PIKFYVE: variants seen among roughly 807,000 people sequenced by gnomAD.
The protein encoded by PIKFYVE is 1-phosphatidylinositol 3-phosphate 5-kinase.
In PIKFYVE, 122 loss-of-function variants were observed where a neutral mutation model predicts 257.9. The observed-to-expected ratio is 0.47, with a 90% CI of 0.41 to 0.55. The LOEUF is 0.55. Among genes scored for constraint, PIKFYVE ranks in the 20% least tolerant of loss-of-function variants. The pLI is 0.00. For synonymous variants in PIKFYVE, 892 were observed against 868.9 expected (o/e 1.03, Z -0.47); for missense variants, 2,160 against 2,536.6 (o/e 0.85, Z 3.19).
intron 16 of PIKFYVE, 142 bp downstream of exon 16, chr2:208,318,083 T>C (rs577843687): frequency 3.6e-4 from 308 of 852,190 alleles, no homozygotes; most frequent in Non-Finnish European, 5.7e-4. Flanking sequence ...GAAATTTGGT[T>C]GGTTCAGGGA....
At chr2:208,280,819 T>C (rs1474910424) in intron 5 of PIKFYVE, among the ~76,000 whole-genome samples, 1 of 152,240 alleles carries the variant, frequency 6.6e-6, no homozygotes, top group Admixed American at 6.5e-5. Context: ...GCCCATCTAC[T>C]TCACTTGTGG....
intron 3 of PIKFYVE, among the ~76,000 whole-genome samples, chr2:208,275,050 A>G (rs1689931505): frequency 6.6e-6 from 1 of 152,152 alleles, no homozygotes; most frequent in Non-Finnish European, 1.5e-5. Flanking sequence ...CTGCTTGATT[A>G]TTTGATTCTA....
At chr2:208,345,997 T>C in intron 33 of PIKFYVE, 53 bp from the exon 34 acceptor site, 1 of 1,326,464 alleles carries the variant, frequency 7.5e-7, no homozygotes, top group Admixed American at 1.7e-5. Context: ...CTTACTATTT[T>C]CTGTTTGACT....
At chr2:208,300,090 A>G (rs1693495675) in intron 8 of PIKFYVE, among the ~76,000 whole-genome samples, 1 of 152,218 alleles carries the variant, frequency 6.6e-6, no homozygotes. Context: ...GAAGATCCTT[A>G]ATAGTGGAAG....
At chr2:208,330,787 G>A (rs1697454218) in intron 23 of PIKFYVE, 93 bp downstream of exon 23, 1 of 1,268,788 alleles carries the variant, frequency 7.9e-7, no homozygotes. Flanking sequence ...ATATGGTACT[G>A]GATTCGTTAT....
rs1698553831 is a variant in PIKFYVE at position 208,340,031 on chromosome 2, C to T, written c.4831C>T (p.Leu1611=). ...TTTAGATGTGTTTGATGGGCATTTG[C>T]TGGGATCCACAGACAGCCAAGTGAA... ...SSEDVFDGHL[L]GSTDSQVKEK... The change falls in exon 31 of 42, where the codon CTG becomes TTG. Residue 1611 remains leucine, a synonymous_variant. Coordinates refer to ENST00000264380, the MANE Select transcript of PIKFYVE (RefSeq NM_015040.4). The T allele has an allele frequency of 3.7e-6, 6 of 1,613,672 alleles. No homozygotes were observed. The African/African-American group carries it at 8.0e-5, about 22-fold the overall frequency.
Position 208,356,795 on chromosome 2 carries a change from A to T in PIKFYVE, c.*1490A>T, listed in dbSNP as rs1700188119. 1 of 152,626 alleles carries T rather than the reference A, an allele frequency of 6.6e-6. No homozygotes were observed. Among genetic ancestry groups the T allele is most frequent in the South Asian group, 2.1e-4 (1 of 4,828 alleles). The allele number at this position is 152,626 out of a possible 1,614,324, so 9.5% of individuals were successfully genotyped here. On this transcript the variant is annotated 3_prime_UTR_variant, in exon 42 of 42. Transcript: ENST00000264380. ...TGTAACCCCAGAATATTTCCTCTTG[A>T]CTTCTTTTTGTAACAAGGATAATTT...
chr2:208,328,406 A>T, intron 21 of PIKFYVE, 126 bp downstream of exon 21: 2 of 1,113,450 alleles, frequency 1.8e-6, no homozygotes, highest in Non-Finnish European at 2.6e-6. Context: ...CTGGTCATAT[A>T]TGAATTGATA....
chr2:208,347,779 CAA>C, intron 34 of PIKFYVE, 78 bp from the exon 35 acceptor site: 1 of 1,282,778 alleles, frequency 7.8e-7, no homozygotes, highest in Non-Finnish European at 1.1e-6. Context: ...TTACAACTAA[CAA>C]AGAAATGAGC....
At chr2:208,299,871 G>T (rs1426370515) in intron 8 of PIKFYVE, among the ~76,000 whole-genome samples, 1 of 152,150 alleles carries the variant, frequency 6.6e-6, no homozygotes, top group Non-Finnish European at 1.5e-5. Flanking sequence ...AGAAATAAGA[G>T]CCAGGTGTGG....
intron 7 of PIKFYVE, among the ~76,000 whole-genome samples, chr2:208,294,912 A>T (rs909650158): frequency 6.6e-6 from 1 of 152,214 alleles, no homozygotes; most frequent in Non-Finnish European, 1.5e-5. Context: ...TTTTTCTGAC[A>T]TTCACTGTGA....
Position 208,329,887 on chromosome 2 carries a change from A to G in PIKFYVE, c.3765A>G (p.Gly1255=). 6.2e-7 allele frequency: 1 copy of G among 1,610,702 alleles called. No homozygotes were observed. Among genetic ancestry groups the G allele is most frequent in the Non-Finnish European group, 8.5e-7 (1 of 1,177,722 alleles). The change falls in exon 22 of 42, where the codon GGA becomes GGG. Residue 1255 remains glycine (G), a synonymous_variant. Transcript: ENST00000264380. Reference sequence around the variant, plus strand: ...ATGGAAAGAATGATCTTACATTAGGAATATTTTTAGAGAGATACTGTTTCA... The same window carrying G: ...ATGGAAAGAATGATCTTACATTAGGGATATTTTTAGAGAGATACTGTTTCA... The part of the protein sequence containing the change: ...EFYGKNDLTL[G]IFLERYCFRP...
At chr2:208,308,969 A>C (rs1694665075) in intron 12 of PIKFYVE, among the ~76,000 whole-genome samples, 1 of 152,192 alleles carries the variant, frequency 6.6e-6, no homozygotes, top group Non-Finnish European at 1.5e-5. Flanking sequence ...AGGCCTCCCA[A>C]AGTGCTGGGA....
At chr2:208,315,439 C>T in intron 15 of PIKFYVE, 66 bp downstream of exon 15, 1 of 1,575,234 alleles carries the variant, frequency 6.3e-7, no homozygotes, top group Non-Finnish European at 8.7e-7. Context: ...TAATTTTTGT[C>T]TTAATGGTAA....
chr2:208,300,791 C>A, intron 8 of PIKFYVE, 146 bp from the exon 9 acceptor site: 1 of 950,998 alleles, frequency 1.1e-6, no homozygotes, highest in Non-Finnish European at 1.6e-6. Flanking sequence ...ACGTATATGA[C>A]ATTTGTATTA....
intron 14 of PIKFYVE, among the ~76,000 whole-genome samples, chr2:208,314,778 T>C (rs1695293067): frequency 6.6e-6 from 1 of 151,980 alleles, no homozygotes; most frequent in African/African-American, 2.4e-5. Flanking sequence ...TGGCCTGTAA[T>C]CCCAACTACT....
Position 208,284,261 on chromosome 2 carries a change from C to CT in PIKFYVE, c.614-1449dup, listed in dbSNP as rs35089730. Among the ~76,000 whole-genome samples, 780 of 139,896 alleles carry CT rather than the reference C, an allele frequency of 5.6e-3. 8 individuals are homozygous for CT. The highest frequency in any genetic ancestry group is 0.043 in the East Asian group (208 of 4,820). 91.8% of individuals were successfully genotyped at this position (139,896 alleles called of 152,430 possible). On this transcript the variant is annotated intron_variant, in intron 5 of 41. Transcript: ENST00000264380. ...CTCTCAAGAATATTTCATTTCTATC[C>CT]TTTTTTTTTTTTTTTTCCCAGACAG...
intron 29 of PIKFYVE, 91 bp from the exon 30 acceptor site, chr2:208,339,327 A>G: frequency 7.0e-7 from 1 of 1,437,628 alleles, no homozygotes; most frequent in Non-Finnish European, 9.8e-7. Flanking sequence ...CCTTTTAGGA[A>G]GTAGGCATAT....
At chr2:208,339,756 C>G (rs1478096968) in intron 30 of PIKFYVE, among the ~76,000 whole-genome samples, 2 of 152,058 alleles carry the variant, frequency 1.3e-5, no homozygotes, top group Non-Finnish European at 2.9e-5. Context: ...TGCTATTTAA[C>G]TCGGGTGTAA....
Sources: gnomAD v4.1 joint callset for allele counts (sites outside exome capture counted in the v4.1 genomes callset) on GRCh38, gnomAD v4.1.1 for gene constraint, MANE v1.5 for transcripts, NCBI Gene and HGNC (gene_info 2026-07-23, HGNC 2026-07-21) for gene names.